UBR3: variants seen among roughly 807,000 people sequenced by gnomAD.
UBR3 encodes E3 ubiquitin-protein ligase UBR3.
In UBR3, 85 loss-of-function variants were observed where a neutral mutation model predicts 243.2. The ratio of observed to expected loss-of-function variants is 0.35; its 90% CI spans 0.29 to 0.42. The LOEUF (loss-of-function observed/expected upper bound fraction) is 0.42. Ranked by LOEUF, UBR3 falls within the 10% of genes least tolerant of loss-of-function variation. The probability of loss-of-function intolerance (pLI) is 1.00; values close to 1 mark genes in which losing one functional copy is unlikely to be tolerated. For missense variants in UBR3, 1,686 were observed against 2,300.8 expected (o/e 0.73, Z 5.47); for synonymous variants, 748 against 799.8 (o/e 0.94, Z 1.09).
chr2:170,000,546 A>G (rs2089658593), intron 26 of UBR3, among the ~76,000 whole-genome samples: 1 of 152,242 alleles, frequency 6.6e-6, no homozygotes, highest in Non-Finnish European at 1.5e-5. Context: ...GTGACTAAAT[A>G]GATTGTGGAG....
intron 20 of UBR3, among the ~76,000 whole-genome samples, chr2:169,943,214 C>T (rs556036219): frequency 2.6e-5 from 4 of 152,264 alleles, no homozygotes; most frequent in African/African-American, 9.6e-5. Context: ...ATTTGACTAA[C>T]ATTAATTGTG....
chr2:169,887,015 T>C (rs2084127379), intron 5 of UBR3, among the ~76,000 whole-genome samples: 2 of 152,164 alleles, frequency 1.3e-5, no homozygotes, highest in African/African-American at 4.8e-5. Flanking sequence ...TGACTTCTTT[T>C]TATGAAGCTC....
intron 2 of UBR3, among the ~76,000 whole-genome samples, chr2:169,873,893 A>G (rs1001158150): frequency 3.9e-5 from 6 of 152,116 alleles, no homozygotes; most frequent in African/African-American, 1.4e-4. Flanking sequence ...AGAAATAGAA[A>G]TTATTTATTA....
At chr2:169,914,863 TGTGTGTGTG>T (rs1574190455) in intron 11 of UBR3, among the ~76,000 whole-genome samples, 4 of 148,038 alleles carry the variant, frequency 2.7e-5, no homozygotes, top group Non-Finnish European at 4.4e-5. Context: ...TGTGTGTGTG[TGTGTGTGTG>T]TTTTTTTTCC....
intron 1 of UBR3, among the ~76,000 whole-genome samples, chr2:169,845,530 C>CTTCTTCTTCTTCTTCTTCT (rs2082445070): frequency 2.4e-5 from 3 of 127,024 alleles, no homozygotes; most frequent in African/African-American, 9.7e-5. Context: ...TCGTCGTCGT[C>CTTCTTCTTCTTCTTCTTCT]GTCTTCTTCT....
chr2:169,881,948 ATG>A (rs1559053805), intron 5 of UBR3, among the ~76,000 whole-genome samples: 1 of 121,368 alleles, frequency 8.2e-6, no homozygotes, highest in Non-Finnish European at 1.7e-5. Context: ...ATAATTACAT[ATG>A]TATGTATACA....
Position 170,005,247 on chromosome 2 carries a change from G to A in UBR3, c.4030-1743G>A, listed in dbSNP as rs771754705. ...TCAAACAAAACAAAACAAAAAAACCGGGAAAACCACTTTGGGATTGGATGA... is the reference window on the plus strand; with the variant it reads ...TCAAACAAAACAAAACAAAAAAACCAGGAAAACCACTTTGGGATTGGATGA... On this transcript the variant is annotated intron_variant, in intron 27 of 38. Transcript: ENST00000272793. Among the ~76,000 whole-genome samples, 19 of 152,016 alleles carry A rather than the reference G, an allele frequency of 1.2e-4. 1 individual carries two copies. Among genetic ancestry groups the A allele is most frequent in the Admixed American group, 3.3e-4 (5 of 15,260 alleles).
chr2:169,943,121 T>C (rs759782544), intron 20 of UBR3, among the ~76,000 whole-genome samples: 3 of 152,230 alleles, frequency 2.0e-5, no homozygotes, highest in Non-Finnish European at 4.4e-5. Flanking sequence ...ATAAACATTT[T>C]AGGAACTAAC....
chr2:169,980,595 C>T (rs2105383437), intron 24 of UBR3, among the ~76,000 whole-genome samples: 1 of 151,848 alleles, frequency 6.6e-6, no homozygotes, highest in Admixed American at 6.6e-5. Flanking sequence ...TACAAGCACA[C>T]CCATTGCCCA....
At chr2:170,080,128 T>G in intron 37 of UBR3, 105 bp downstream of exon 37, 1 of 1,031,184 alleles carries the variant, frequency 9.7e-7, no homozygotes. Flanking sequence ...ATTAAGTATA[T>G]AATACATATA....
intron 5 of UBR3, among the ~76,000 whole-genome samples, chr2:169,881,988 T>TAC (rs1185277459): frequency 3.9e-5 from 5 of 127,198 alleles, no homozygotes; most frequent in African/African-American, 1.5e-4. Context: ...TATATATGTA[T>TAC]ATGTATATTT....
In UBR3 at chr2:169,928,806, A is replaced by C; in HGVS notation, c.2504A>C (p.Asp835Ala). ...GAATCAGTTTTATCAGCTGTAGCTGATTTTAAGGCTCCTGTTTTTGAACCT... is the reference window on the plus strand; with the variant it reads ...GAATCAGTTTTATCAGCTGTAGCTGCTTTTAAGGCTCCTGTTTTTGAACCT... ...SFESVLSAVA[D>A]FKAPVFEPGG... The change falls in exon 18 of 39, where the codon GAT becomes GCT. Residue 835 changes from aspartate (D) to alanine (A), a missense_variant. Physicochemically the swap from Asp to Ala is moderately radical, Grantham distance 126. Transcript: ENST00000272793. 1 of 1,512,496 alleles carries C rather than the reference A, an allele frequency of 6.6e-7. No homozygotes were observed. 93.7% of individuals were successfully genotyped at this position (1,512,496 alleles called of 1,614,324 possible). A position where few individuals can be genotyped will look rare whatever the true frequency, so the allele number is the denominator to read the frequency against.
intron 1 of UBR3, among the ~76,000 whole-genome samples, chr2:169,869,198 G>C (rs1338391156): frequency 7.6e-6 from 1 of 132,200 alleles, no homozygotes; most frequent in African/African-American, 2.8e-5. Flanking sequence ...AACTTCTGGT[G>C]ATGCTAAGAT....
At chr2:170,009,747 G>A (rs1054701110) in intron 29 of UBR3, among the ~76,000 whole-genome samples, 2 of 152,110 alleles carry the variant, frequency 1.3e-5, no homozygotes, top group African/African-American at 4.8e-5. Flanking sequence ...GAGGTAATGT[G>A]ACTTGAGGTC....
chr2:170,029,532 A>G, intron 31 of UBR3, 84 bp downstream of exon 31: 4 of 1,029,238 alleles, frequency 3.9e-6, no homozygotes, highest in Non-Finnish European at 5.5e-6. Flanking sequence ...TGAAATTTCA[A>G]TATATGTGAT....
intron 30 of UBR3, among the ~76,000 whole-genome samples, chr2:170,016,561 T>G (rs2090241146): frequency 6.6e-6 from 1 of 151,924 alleles, no homozygotes; most frequent in Admixed American, 6.6e-5. Context: ...TTATATAAAT[T>G]ATTCCTTCTT....
intron 30 of UBR3, among the ~76,000 whole-genome samples, chr2:170,020,382 CTGA>C (rs2090357614): frequency 6.6e-6 from 1 of 152,072 alleles, no homozygotes; most frequent in Non-Finnish European, 1.5e-5. Context: ...GTTTTATGTT[CTGA>C]AGAGCAAGTT....
intron 8 of UBR3, among the ~76,000 whole-genome samples, chr2:169,903,675 A>G (rs2084911878): frequency 6.6e-6 from 1 of 152,170 alleles, no homozygotes; most frequent in Non-Finnish European, 1.5e-5. Context: ...CTGACTGATG[A>G]GTATGACAGG....
intron 29 of UBR3, among the ~76,000 whole-genome samples, chr2:170,013,021 G>A (rs1466938395): frequency 4.0e-5 from 6 of 149,908 alleles, no homozygotes; most frequent in Middle Eastern, 3.2e-3. Context: ...AGAGATTTTC[G>A]CCTCTTTTTT....
Sources: allele counts gnomAD v4.1 joint callset (sites outside exome capture counted in the v4.1 genomes callset), GRCh38; gene constraint gnomAD v4.1.1; transcripts MANE v1.5; gene names NCBI Gene and HGNC (gene_info 2026-07-23, HGNC 2026-07-21).